Variants in DPPA3 observed in about 807,000 individuals in gnomAD.
The protein encoded by DPPA3 is developmental pluripotency associated 3, also known as developmental pluripotency-associated protein 3.
In DPPA3, 9 loss-of-function variants were observed where a neutral mutation model predicts 15.6. The observed-to-expected ratio is 0.58, with a 90% CI of 0.35 to 1.01. The LOEUF is 1.01. Ranked by LOEUF, DPPA3 falls within the 50% of genes least tolerant of loss-of-function variation. DPPA3 has a pLI of 0.02. For synonymous variants in DPPA3, 61 were observed against 70.9 expected, an observed-to-expected ratio of 0.86 and a Z score of 0.70; for missense variants, 148 against 194.6, an observed-to-expected ratio of 0.76 and a Z score of 1.42.
Position 7,712,358 on chromosome 12 carries a change from TAAAC to T in DPPA3, c.82+710_82+713del, listed in dbSNP as rs377390084. On this transcript the variant is annotated intron_variant, in intron 1 of 3. Coordinates refer to ENST00000345088, the MANE Select transcript of DPPA3 (RefSeq NM_199286.4). ...AAAAGGAACAAATACAGAGACCAAA[TAAAC>T]AAAAGATAGGGAAAAAAAATGAAAC... 3.7e-3 allele frequency among the ~76,000 whole-genome samples: 559 copies of T among 151,934 alleles called. 2 individuals are homozygous for T. The highest frequency in any genetic ancestry group is 0.011 in the African/African-American group (469 of 41,444).
chr12:7,713,907 G>T (rs1187443236), intron 1 of DPPA3, among the ~76,000 whole-genome samples: 1 of 152,194 alleles, frequency 6.6e-6, no homozygotes, highest in African/African-American at 2.4e-5. Flanking sequence ...CAGCTACTCT[G>T]GACGCTGAGG....
chr12:7,716,290 A>G lies in DPPA3; in HGVS notation c.369+51A>G, dbSNP rs1565455151. The G allele has an allele frequency of 1.7e-5, 22 of 1,258,328 alleles. No homozygotes were observed. In the East Asian group the frequency reaches 4.8e-4, roughly 28 times the overall value. 77.9% of individuals were successfully genotyped at this position (1,258,328 alleles called of 1,614,324 possible). A position where few individuals can be genotyped will look rare whatever the true frequency, so the allele number is the denominator to read the frequency against. On this transcript the variant is annotated intron_variant, in intron 3 of 3. Coordinates refer to ENST00000345088, the MANE Select transcript of DPPA3 (RefSeq NM_199286.4). ...TTTCCTTTTTTTTTTTTGGCTATAT[A>G]TGTGGATGGGTATCTGGTTTGTTTC...
intron 3 of DPPA3, 68 bp downstream of exon 3, chr12:7,716,307 G>C: frequency 8.0e-7 from 1 of 1,249,040 alleles, no homozygotes; most frequent in South Asian, 1.5e-5. Flanking sequence ...TGGGTATCTG[G>C]TTTGTTTCCT....
intron 1 of DPPA3, among the ~76,000 whole-genome samples, 155 bp downstream of exon 1, chr12:7,711,807 G>T (rs1184349968): frequency 6.8e-6 from 1 of 147,822 alleles, no homozygotes; most frequent in African/African-American, 2.5e-5. Context: ...AAACCAGAGG[G>T]AGTCAACACA....
chr12:7,715,681 C>T (rs1864391655), intron 2 of DPPA3, among the ~76,000 whole-genome samples: 1 of 152,080 alleles, frequency 6.6e-6, no homozygotes, highest in South Asian at 2.1e-4. Flanking sequence ...CCTGCAATCT[C>T]AGCTACTTGG....
At chr12:7,712,591 C>T (rs1864356916) in intron 1 of DPPA3, among the ~76,000 whole-genome samples, 1 of 152,118 alleles carries the variant, frequency 6.6e-6, no homozygotes, top group Non-Finnish European at 1.5e-5. Flanking sequence ...GGATTACAGG[C>T]ATGTGCCACC....
intron 1 of DPPA3, 39 bp downstream of exon 1, chr12:7,711,691 G>A (rs758569019): frequency 5.5e-6 from 7 of 1,282,900 alleles, no homozygotes; most frequent in Middle Eastern, 2.1e-4. Flanking sequence ...TCTGACTATA[G>A]GGGGGTTGGG....
Position 7,717,006 on chromosome 12 carries a change from G to C in DPPA3, c.409G>C (p.Val137Leu). Residue 137 changes from valine (V) to leucine (L), a missense_variant, in exon 4 of 4, where the codon GTG (valine) becomes CTG (leucine). By Grantham distance (32) the Val-to-Leu change is conservative (BLOSUM62 1). Transcript: ENST00000345088. Reference protein sequence around the residue: ...RPFKCPCSFCVSNGWDPSENA... With the variant: ...RPFKCPCSFCLSNGWDPSENA... ...ATTCAAATGTCCCTGCAGTTTCTGC[G>C]TGTCTAATGGATGGGATCCTTCTGA... 1 of 1,613,636 alleles carries C rather than the reference G, an allele frequency of 6.2e-7. No homozygotes were observed. The highest frequency in any genetic ancestry group is 8.5e-7 in the Non-Finnish European group (1 of 1,179,912).
chr12:7,712,373 GA>G (rs950988574), intron 1 of DPPA3, among the ~76,000 whole-genome samples: 10 of 151,428 alleles, frequency 6.6e-5, no homozygotes, highest in African/African-American at 1.9e-4. Flanking sequence ...AAAAGATAGG[GA>G]AAAAAAATGA....
At position 7,711,631 on chromosome 12, in the gene DPPA3, G is replaced by A; in HGVS notation, c.61G>A (p.Glu21Lys). 2.5e-6 allele frequency: 4 copies of A among 1,589,142 alleles called. No homozygotes were observed. Among genetic ancestry groups the A allele is most frequent in the Non-Finnish European group, 3.4e-6 (4 of 1,165,970 alleles). The change falls in exon 1 of 4, where the codon GAA becomes AAA. Residue 21 changes from glutamate (E) to lysine (K), a missense_variant. Coordinates refer to ENST00000345088, the MANE Select transcript of DPPA3 (RefSeq NM_199286.4). ...AGGGTCTCCACAAATGCTCACCGAA[G>A]AAAATTCCCGGGACGATTCAGGTAA... ...IPGSPQMLTE[E>K]NSRDDSGASQ... is the part of the protein sequence containing the mutation.
intron 1 of DPPA3, among the ~76,000 whole-genome samples, chr12:7,713,653 C>T (rs1288888449): frequency 6.6e-6 from 1 of 152,100 alleles, no homozygotes; most frequent in Admixed American, 6.6e-5. Context: ...AGATCTAATA[C>T]CATGAAGGAG....
At chr12:7,715,496 T>G (rs2136893588) in intron 2 of DPPA3, 69 bp downstream of exon 2, 1 of 1,607,768 alleles carries the variant, frequency 6.2e-7, no homozygotes, top group Non-Finnish European at 8.5e-7. Flanking sequence ...AAGACCTAAT[T>G]AAGACTCCCT....
chr12:7,715,167 T>A lies in DPPA3; in HGVS notation c.83-16T>A, dbSNP rs1454008178. ...AAGATCCCCTTAATGTAATGGCTTT[T>A]AACCTTCTCTTTCAGGGGCCTCTCA... On this transcript the variant is annotated splice_polypyrimidine_tract_variant and intron_variant, in intron 1 of 3. Transcript: ENST00000345088. The A allele has an allele frequency of 1.2e-6, 2 of 1,612,946 alleles. No individual in the cohort carries two copies. Among genetic ancestry groups the A allele is most frequent in the Non-Finnish European group, 1.7e-6 (2 of 1,179,594 alleles).
At chr12:7,715,455 G>C in intron 2 of DPPA3, 28 bp downstream of exon 2, 2 of 1,613,508 alleles carry the variant, frequency 1.2e-6, no homozygotes. Flanking sequence ...GGCCGGGGCT[G>C]TCCAATTCCG....
Position 7,716,188 on chromosome 12 carries a change from T to TC in DPPA3, c.328-7dup. 6 of 1,600,046 alleles carry TC rather than the reference T, an allele frequency of 3.7e-6. No individual in the cohort carries two copies. Among genetic ancestry groups the TC allele is most frequent in the Non-Finnish European group, 5.1e-6 (6 of 1,171,190 alleles). ...ATAGTTTTCAATAAACATATTTTTT[T>TC]CCCATGAAGCATGAAAGAAGACCAA... On this transcript the variant is annotated splice_polypyrimidine_tract_variant and intron_variant, in intron 2 of 3. Coordinates refer to ENST00000345088, the MANE Select transcript of DPPA3 (RefSeq NM_199286.4).
chr12:7,711,927 T>C (rs1864350467), intron 1 of DPPA3, among the ~76,000 whole-genome samples: 1 of 148,610 alleles, frequency 6.7e-6, no homozygotes, highest in Non-Finnish European at 1.5e-5. Flanking sequence ...TTTCTTTTTT[T>C]TTTTTTGAGA....
At chr12:7,716,851 TTG>T (rs1864406388) in intron 3 of DPPA3, 114 bp from the exon 4 acceptor site, 4 of 963,488 alleles carry the variant, frequency 4.2e-6, no homozygotes, top group Middle Eastern at 2.1e-4. Flanking sequence ...GTGTCCTTTT[TTG>T]TGTGTGTTCC....
rs770300091 is a variant in DPPA3 at position 7,715,427 on chromosome 12, G to T, written c.327G>T (p.Thr109=). 1 of 1,613,902 alleles carries T rather than the reference G, an allele frequency of 6.2e-7. No individual in the cohort carries two copies. The highest frequency in any genetic ancestry group is 1.3e-5 in the African/African-American group (1 of 75,008). The change falls in exon 2 of 4, where the codon ACG becomes ACT. Residue 109 remains threonine, a splice_region_variant and synonymous_variant. Transcript: ENST00000345088. The part of the protein sequence containing the change: ...LRYMLLGGVR[T]HERRPTNKEP... The stretch of plus-strand genomic sequence containing the variant: ...ACATGTTACTCGGCGGAGTTCGTAC[G>T]GTATGTTGATGTGATGTGGCCGGGG...
In DPPA3 at chr12:7,715,320, A is replaced by G. The variant is rs1864386694; in HGVS notation, c.220A>G (p.Ile74Val). The G allele has an allele frequency of 1.2e-6, 2 of 1,614,084 alleles. No homozygotes were observed. Among genetic ancestry groups the G allele is most frequent in the East Asian group, 2.2e-5 (1 of 44,884 alleles). ...TGTAGGAGCAGCAGTCCTCAGGGAA[A>G]TCGAAGATGAGTGGCTTTACAGCAG... ...ESVGAAVLRE[I>V]EDEWLYSRRG... The change falls in exon 2 of 4, where the codon ATC becomes GTC. Residue 74 changes from isoleucine (I) to valine (V), a missense_variant. Coordinates refer to ENST00000345088, the MANE Select transcript of DPPA3 (RefSeq NM_199286.4).
Sources: allele counts gnomAD v4.1 joint callset (sites outside exome capture counted in the v4.1 genomes callset), GRCh38; gene constraint gnomAD v4.1.1; transcripts MANE v1.5; gene names NCBI Gene and HGNC (gene_info 2026-07-23, HGNC 2026-07-21).